Variants in RGS12 observed in about 807,000 individuals in gnomAD.
The protein encoded by RGS12 is regulator of G protein signaling 12, also known as regulator of G-protein signaling 12.
In RGS12, 66 loss-of-function variants were observed where a neutral mutation model predicts 120.1. That is an observed-to-expected ratio of 0.55 (90% CI 0.45 to 0.67). RGS12 has a LOEUF of 0.67. Ranked by LOEUF, RGS12 falls within the 30% of genes least tolerant of loss-of-function variation. RGS12 has a pLI of 0.00. For synonymous variants in RGS12, 827 were observed against 804.7 expected, an observed-to-expected ratio of 1.03 and a Z score of -0.47; for missense variants, 1,859 against 1,957.7, an observed-to-expected ratio of 0.95 and a Z score of 0.95.
intron 2 of RGS12, among the ~76,000 whole-genome samples, chr4:3,341,275 G>GC (rs1560099032): frequency 1.2e-4 from 1 of 8,048 alleles, no homozygotes; most frequent in Non-Finnish European, 2.9e-4. Context: ...TGGGGGTATG[G>GC]GGGGAGGGGA....
chr4:3,433,029 T>C lies in RGS12; in HGVS notation c.4114+2074T>C, dbSNP rs1430188725. 6.6e-6 allele frequency among the ~76,000 whole-genome samples: 1 copy of C among 152,206 alleles called. No individual in the cohort carries two copies. The highest frequency in any genetic ancestry group is 1.5e-5 in the Non-Finnish European group (1 of 68,018). On this transcript the variant is annotated intron_variant, in intron 17 of 17. Transcript: ENST00000336727. This position sits in a 1 kb window ranked among gnomAD's most constrained non-coding sequence, Gnocchi z 4.4. ...TGGAACCCCCACTCTAATGGGATTC[T>C]CTGTATTGGAGAGTTCACCTGCCCA...
intron 4 of RGS12, among the ~76,000 whole-genome samples, chr4:3,405,731 TGC>T (rs1333228332): frequency 1.3e-5 from 2 of 152,172 alleles, no homozygotes; most frequent in Non-Finnish European, 2.9e-5. Context: ...GGAAAAAGGT[TGC>T]GTGTGTGCAG....
intron 17 of RGS12, among the ~76,000 whole-genome samples, chr4:3,432,403 C>G (rs555151003): frequency 1.3e-5 from 2 of 152,218 alleles, no homozygotes; most frequent in Non-Finnish European, 2.9e-5. Context: ...GCTGGTGGCC[C>G]GGTGGCGGGT....
intron 1 of RGS12, among the ~76,000 whole-genome samples, chr4:3,309,609 T>C (rs113677374): frequency 0.012 from 515 of 44,204 alleles, 6 homozygotes; most frequent in Non-Finnish European, 0.014. Context: ...AGCTGGGACC[T>C]GGGAATGGCA....
chr4:3,315,836 G>T (rs1412624122), intron 1 of RGS12, among the ~76,000 whole-genome samples: 1 of 152,240 alleles, frequency 6.6e-6, no homozygotes, highest in Non-Finnish European at 1.5e-5. Context: ...CACACCCGTG[G>T]CAGGTGGGCC....
intron 1 of RGS12, among the ~76,000 whole-genome samples, chr4:3,311,115 T>C (rs777650378): frequency 1.2e-4 from 19 of 152,094 alleles, no homozygotes; most frequent in Admixed American, 4.6e-4. Context: ...TGATTGCTGA[T>C]GTTGTGCTGT....
In RGS12 at chr4:3,428,329, C is replaced by T. The variant is rs532330002; in HGVS notation, c.3411+160C>T. ...CTCTCGTCCCTGCCGATGCCCAGCTCCCTCTTACCTGTGAAGGACTGGCTT... is the reference window on the plus strand; with the variant it reads ...CTCTCGTCCCTGCCGATGCCCAGCTTCCTCTTACCTGTGAAGGACTGGCTT... On this transcript the variant is annotated intron_variant, in intron 15 of 17. Coordinates refer to ENST00000336727, the MANE Select transcript of RGS12 (RefSeq NM_001394154.1). The T allele has an allele frequency of 5.8e-5, 48 of 820,592 alleles. No homozygotes were observed. In the African/African-American group the frequency reaches 6.8e-4, roughly 12 times the overall value. 50.8% of individuals were successfully genotyped at this position (820,592 alleles called of 1,614,324 possible). A position where few individuals can be genotyped will look rare whatever the true frequency, so the allele number is the denominator to read the frequency against.
At chr4:3,385,002 C>T (rs941698824) in intron 3 of RGS12, 1 of 152,404 alleles carries the variant, frequency 6.6e-6, no homozygotes, top group African/African-American at 2.4e-5. Context: ...CGTGTTAAAA[C>T]CCATACAGTG....
rs528284054 is a variant in RGS12, at chr4:3,428,579, A to G, written c.3433A>G (p.Lys1145Glu). Residue 1145 changes from lysine (K) to glutamate (E), a missense_variant, in exon 16 of 18, where the codon AAG becomes GAG. Around this residue, in one of 3 missense-constraint regions of RGS12, gnomAD observed 517 missense variants for 488.5 expected, o/e 1.06. Coordinates refer to ENST00000336727, the MANE Select transcript of RGS12 (RefSeq NM_001394154.1). The stretch of plus-strand genomic sequence containing the variant: ...GCAGGGAGAGGAAAGAACACTAGGC[A>G]AGTCTAATTCTATTAAAATAAAAGG... ...SATGEERTLG[K>E]SNSIKIKGEN... The G allele has an allele frequency of 1.5e-5, 24 of 1,594,294 alleles. No individual in the cohort carries two copies. The South Asian group carries it at 2.7e-4, about 18-fold the overall frequency.
chr4:3,397,573 C>T (rs768292299), intron 4 of RGS12, among the ~76,000 whole-genome samples: 33 of 152,040 alleles, frequency 2.2e-4, no homozygotes, highest in Non-Finnish European at 3.1e-4. Flanking sequence ...TCAGGCAGCT[C>T]GGAGGATGAG....
chr4:3,394,362 C>T (rs1719839455), intron 4 of RGS12, among the ~76,000 whole-genome samples: 1 of 152,138 alleles, frequency 6.6e-6, no homozygotes, highest in African/African-American at 2.4e-5. Context: ...GGTGTTTCAC[C>T]ATGTTGCCCA....
chr4:3,340,745 AGCAGGCAGGT>A (rs1356448919), intron 2 of RGS12, among the ~76,000 whole-genome samples: 16 of 100,972 alleles, frequency 1.6e-4, no homozygotes, highest in East Asian at 2.9e-4. Context: ...CCATGGGAGC[AGCAGGCAGGT>A]GCAGGCAGGT....
chr4:3,407,499 AG>A (rs1167334958), intron 4 of RGS12: 2 of 152,166 alleles, frequency 1.3e-5, no homozygotes, highest in African/African-American at 4.8e-5. Context: ...ATGGACTCAG[AG>A]GGGTGGTTTG....
intron 3 of RGS12, among the ~76,000 whole-genome samples, chr4:3,370,986 C>T (rs1560121990): frequency 6.6e-6 from 1 of 152,170 alleles, no homozygotes; most frequent in Admixed American, 6.5e-5. Context: ...CGAATTCATT[C>T]TTTTCTGGGA....
chr4:3,318,161 G>T, intron 2 of RGS12, 110 bp downstream of exon 2: 1 of 956,330 alleles, frequency 1.0e-6, no homozygotes, highest in Non-Finnish European at 1.5e-6. Flanking sequence ...CCTCCTGCTG[G>T]CCCTGTGGCC....
At chr4:3,438,144 T>C (rs1463765266) in intron 17 of RGS12, among the ~76,000 whole-genome samples, 1 of 152,110 alleles carries the variant, frequency 6.6e-6, no homozygotes, top group Non-Finnish European at 1.5e-5. Context: ...GGGCTGGCTC[T>C]TCCTGCCTCC....
intron 3 of RGS12, among the ~76,000 whole-genome samples, chr4:3,350,682 AAAAAAAC>A (rs71636718): frequency 1.3e-5 from 2 of 151,112 alleles, no homozygotes; most frequent in African/African-American, 2.5e-5. Flanking sequence ...AACCTATCTC[AAAAAAAC>A]AAAAAACAAA....
In RGS12 at chr4:3,365,744, C is replaced by G. The variant is rs1313176978; in HGVS notation, c.1999-20672C>G. Among the ~76,000 whole-genome samples the G allele has an allele frequency of 1.3e-5, 2 of 152,210 alleles. No individual in the cohort carries two copies. The highest frequency in any genetic ancestry group is 4.8e-5 in the African/African-American group (2 of 41,452). ...CGACTTTGCTATTTTCAGAATTTAACTTAGAAATCTTTGCTTGTCTTGGTC... is the reference window on the plus strand; with the variant it reads ...CGACTTTGCTATTTTCAGAATTTAAGTTAGAAATCTTTGCTTGTCTTGGTC... On this transcript the variant is annotated intron_variant, in intron 3 of 17. Coordinates refer to ENST00000336727, the MANE Select transcript of RGS12 (RefSeq NM_001394154.1). The surrounding 1 kb of genome is among the most constrained non-coding windows in gnomAD (Gnocchi z 4.0).
At chr4:3,299,840 A>G (rs552254924) in intron 1 of RGS12, among the ~76,000 whole-genome samples, 41 of 152,104 alleles carry the variant, frequency 2.7e-4, no homozygotes, top group Non-Finnish European at 5.0e-4. Context: ...GATAGGGCCT[A>G]TGGGCTCTTC....
Sources: gnomAD v4.1 joint callset for allele counts (sites outside exome capture counted in the v4.1 genomes callset) on GRCh38, gnomAD v4.1.1 for gene constraint, gnomAD v4.1.1 regional missense constraint, Gnocchi (gnomAD v3.1) non-coding constraint, MANE v1.5 for transcripts, NCBI Gene and HGNC (gene_info 2026-07-23, HGNC 2026-07-21) for gene names.